SLC24A2: variants seen among roughly 807,000 people sequenced by gnomAD.
SLC24A2 encodes the protein sodium/potassium/calcium exchanger 2.
A neutral mutation model predicts 62.0 loss-of-function variants in SLC24A2; 36 were observed. The observed-to-expected ratio is 0.58, with a 90% CI of 0.44 to 0.77. The LOEUF (loss-of-function observed/expected upper bound fraction) is 0.77, where lower values mean the gene tolerates loss of function less well. Ranked by LOEUF, SLC24A2 falls within the 30% of genes least tolerant of loss-of-function variation. The pLI is 0.00. For missense variants in SLC24A2, 846 were observed against 817.9 expected, an observed-to-expected ratio of 1.03 and a Z score of -0.42; for synonymous variants, 358 against 294.0, an observed-to-expected ratio of 1.22 and a Z score of -2.23.
intron 2 of SLC24A2, among the ~76,000 whole-genome samples, chr9:19,648,423 C>T (rs1818704783): frequency 6.6e-6 from 1 of 152,126 alleles, no homozygotes; most frequent in Non-Finnish European, 1.5e-5. Context: ...AGTTGGATGG[C>T]ACTTATGGAG....
the SLC24A2 span, chr9:19,967,934 T>C: frequency 6.6e-6 from 1 of 152,298 alleles, no homozygotes; most frequent in Middle Eastern, 3.4e-3. Context: ...CCAAAAAGGT[T>C]GGATTTGAAA....
intron 2 of SLC24A2, among the ~76,000 whole-genome samples, chr9:19,757,768 A>G (rs1418614001): frequency 1.3e-5 from 2 of 152,126 alleles, no homozygotes; most frequent in Non-Finnish European, 2.9e-5. Context: ...GGTGGGGTCT[A>G]GTGGGAGGTG....
intron 7 of SLC24A2, among the ~76,000 whole-genome samples, chr9:19,565,326 CAAACAGAG>C (rs1212431989): frequency 1.7e-5 from 2 of 119,210 alleles, no homozygotes; most frequent in African/African-American, 6.7e-5. Context: ...CAACAACAGA[CAAACAGAG>C]AGCCAAATCA....
the SLC24A2 span, among the ~76,000 whole-genome samples, chr9:20,014,515 T>C: frequency 6.1e-5 from 9 of 147,860 alleles, no homozygotes; most frequent in East Asian, 7.7e-4. Flanking sequence ...TATATATATA[T>C]ATACACACAC....
the SLC24A2 span, among the ~76,000 whole-genome samples, chr9:19,998,992 A>T: frequency 2.0e-5 from 3 of 152,250 alleles, no homozygotes; most frequent in Non-Finnish European, 4.4e-5. Context: ...GTGTGTGGTG[A>T]TATAGCAGAG....
chr9:19,541,206 C>A (rs1353658407), intron 8 of SLC24A2, among the ~76,000 whole-genome samples: 10 of 142,000 alleles, frequency 7.0e-5, no homozygotes, highest in African/African-American at 2.7e-4. Flanking sequence ...TCTCTCAGCT[C>A]GTCAAAATCA....
chr9:19,757,776 G>A (rs574026648), intron 2 of SLC24A2, among the ~76,000 whole-genome samples: 48 of 152,250 alleles, frequency 3.2e-4, no homozygotes, highest in Non-Finnish European at 5.4e-4. Flanking sequence ...CTAGTGGGAG[G>A]TGTTTGGGTC....
At chr9:19,881,626 GTTAACTTAGGGGTACACAC>G in the SLC24A2 span, among the ~76,000 whole-genome samples, 1 of 152,154 alleles carries the variant, frequency 6.6e-6, no homozygotes, top group Admixed American at 6.5e-5. Flanking sequence ...CTTATCTCAC[GTTAACTTAGGGGTACACAC>G]TTATTTAGTG....
the SLC24A2 span, among the ~76,000 whole-genome samples, chr9:20,252,696 T>G: frequency 5.9e-5 from 9 of 152,196 alleles, no homozygotes; most frequent in East Asian, 1.7e-3. Context: ...TGGTTTTATT[T>G]GTTTTGCTTT....
chr9:19,592,345 T>C (rs535399696), intron 5 of SLC24A2, among the ~76,000 whole-genome samples: 4 of 152,318 alleles, frequency 2.6e-5, no homozygotes, highest in South Asian at 2.1e-4. Context: ...AGGATTGACT[T>C]TTTAAATAGT....
the SLC24A2 span, among the ~76,000 whole-genome samples, chr9:20,170,374 G>T: frequency 6.8e-4 from 103 of 152,098 alleles, 2 homozygotes; most frequent in Non-Finnish European, 1.2e-4. Flanking sequence ...GAGACCAGGG[G>T]TTTTTTATCT....
chr9:20,220,933 A>AAGG, the SLC24A2 span, among the ~76,000 whole-genome samples: 184 of 152,280 alleles, frequency 1.2e-3, no homozygotes, highest in African/African-American at 4.3e-3. Context: ...CTTCTTTCTT[A>AAGG]AAACATATGT....
At chr9:20,259,677 T>C in the SLC24A2 span, among the ~76,000 whole-genome samples, 1 of 152,124 alleles carries the variant, frequency 6.6e-6, no homozygotes, top group Non-Finnish European at 1.5e-5. Context: ...CAAGTCTTAA[T>C]CATCTCAAGC....
At chr9:19,553,226 A>C (rs1038355392) in intron 7 of SLC24A2, among the ~76,000 whole-genome samples, 20 of 152,164 alleles carry the variant, frequency 1.3e-4, no homozygotes, top group African/African-American at 4.8e-4. Context: ...TACTGTTCCA[A>C]GTTTGAGGCT....
the SLC24A2 span, among the ~76,000 whole-genome samples, chr9:19,950,159 T>C: frequency 6.6e-6 from 1 of 152,202 alleles, no homozygotes; most frequent in African/African-American, 2.4e-5. Context: ...ATTATTAAAA[T>C]TCTATGTGGC....
At chr9:19,739,754 G>A (rs1312368159) in intron 2 of SLC24A2, among the ~76,000 whole-genome samples, 2 of 152,178 alleles carry the variant, frequency 1.3e-5, no homozygotes, top group East Asian at 3.9e-4. Context: ...CATTGGGGTA[G>A]ACAAAAATTT....
the SLC24A2 span, among the ~76,000 whole-genome samples, chr9:20,178,608 G>A: frequency 6.6e-5 from 10 of 151,958 alleles, no homozygotes; most frequent in East Asian, 3.9e-4. Context: ...TTTGTGAAAC[G>A]GCAAACTAAA....
the SLC24A2 span, among the ~76,000 whole-genome samples, chr9:19,840,406 A>C: frequency 1.6e-4 from 24 of 152,264 alleles, no homozygotes; most frequent in Middle Eastern, 3.4e-3. Context: ...CAGGCCTCTT[A>C]ATTCGAAATG....
chr9:20,207,424 T>C, the SLC24A2 span, among the ~76,000 whole-genome samples: 69,026 of 152,014 alleles, frequency 0.45, 18,100 homozygotes, highest in Non-Finnish European at 0.61. Flanking sequence ...TCAGAGTTCA[T>C]TCACTCACAC....
Sources: allele counts gnomAD v4.1 joint callset (sites outside exome capture counted in the v4.1 genomes callset), GRCh38; gene constraint gnomAD v4.1.1; transcripts MANE v1.5; gene names NCBI Gene and HGNC (gene_info 2026-07-23, HGNC 2026-07-21).